The following KCNN2 variants were observed in gnomAD, a reference collection of about 807,000 sequenced individuals.
The protein encoded by KCNN2 is potassium calcium-activated channel subfamily N member 2, also known as small conductance calcium-activated potassium channel protein 2.
KCNN2 carries 24 observed loss-of-function variants against 55.5 expected under a neutral mutation model. The ratio of observed to expected loss-of-function variants is 0.43; its 90% CI spans 0.31 to 0.61. The LOEUF (loss-of-function observed/expected upper bound fraction) is 0.61. Ranked by LOEUF, KCNN2 falls within the 20% of genes least tolerant of loss-of-function variation. The probability of loss-of-function intolerance (pLI) is 0.08; values close to 1 mark genes in which losing one functional copy is unlikely to be tolerated. For synonymous variants in KCNN2, 431 were observed against 336.1 expected, an observed-to-expected ratio of 1.28 and a Z score of -3.09; for missense variants, 754 against 853.6, an observed-to-expected ratio of 0.88 and a Z score of 1.45.
chr5:114,110,563 G>A (rs1035181196), intron 1 of KCNN2, among the ~76,000 whole-genome samples: 1 of 152,022 alleles, frequency 6.6e-6, no homozygotes, highest in Non-Finnish European at 1.5e-5. Context: ...CTTGGATGCT[G>A]GCAATAAAAG....
At chr5:114,134,458 G>GATTGATTGATTGATTGATTGATTT in intron 1 of KCNN2, among the ~76,000 whole-genome samples, 1 of 137,404 alleles carries the variant, frequency 7.3e-6, no homozygotes, top group African/African-American at 2.8e-5. Context: ...ATCCAACCAT[G>GATTGATTGATTGATTGATTGATTT]ATTTATTTAT....
At chr5:114,278,927 G>T (rs1179374397) in intron 2 of KCNN2, among the ~76,000 whole-genome samples, 2 of 152,150 alleles carry the variant, frequency 1.3e-5, no homozygotes, top group Non-Finnish European at 2.9e-5. Context: ...AGTTGGAAAT[G>T]CAGAAATCAC....
chr5:114,288,203 A>T (rs1249738910), intron 2 of KCNN2, among the ~76,000 whole-genome samples: 1 of 152,210 alleles, frequency 6.6e-6, no homozygotes, highest in East Asian at 1.9e-4. Context: ...GGAGTGAATA[A>T]CATTTCCTTC....
chr5:114,259,389 C>T (rs1183451095), intron 2 of KCNN2, among the ~76,000 whole-genome samples: 5 of 152,160 alleles, frequency 3.3e-5, no homozygotes, highest in African/African-American at 1.2e-4. Context: ...GACAAAAGGG[C>T]TGAGCAGGAC....
chr5:114,266,443 G>A (rs889942201), intron 2 of KCNN2, among the ~76,000 whole-genome samples: 13 of 152,198 alleles, frequency 8.5e-5, no homozygotes, highest in African/African-American at 3.1e-4. Context: ...ATTAGACTTT[G>A]TCAGGACAAG....
At chr5:114,184,679 C>A (rs1489486169) in intron 1 of KCNN2, among the ~76,000 whole-genome samples, 2 of 152,034 alleles carry the variant, frequency 1.3e-5, no homozygotes, top group Non-Finnish European at 2.9e-5. Context: ...TATAGTGATT[C>A]TTTTTTATTT....
chr5:114,155,823 T>C (rs1752621496), intron 1 of KCNN2, among the ~76,000 whole-genome samples: 1 of 152,208 alleles, frequency 6.6e-6, no homozygotes, highest in Admixed American at 6.5e-5. Context: ...TCTCGCATCC[T>C]GTAGGTTGTC....
At chr5:114,115,296 G>A (rs1339046115) in intron 1 of KCNN2, among the ~76,000 whole-genome samples, 1 of 152,044 alleles carries the variant, frequency 6.6e-6, no homozygotes, top group Non-Finnish European at 1.5e-5. Context: ...TGCTTTTTAA[G>A]CATTGTATTG....
At chr5:114,494,665 C>G (rs77374880) in intron 7 of KCNN2, among the ~76,000 whole-genome samples, 37 of 152,136 alleles carry the variant, frequency 2.4e-4, no homozygotes, top group Admixed American at 3.9e-4. Flanking sequence ...AAGAGTACCA[C>G]TGTGAGGCAA....
At chr5:114,403,506 C>T (rs1377978588) in intron 2 of KCNN2, among the ~76,000 whole-genome samples, 3 of 152,166 alleles carry the variant, frequency 2.0e-5, no homozygotes, top group East Asian at 3.9e-4. Flanking sequence ...TGGCTGGCAT[C>T]CCTGGCTTCT....
chr5:114,275,831 A>G (rs1398441406), intron 2 of KCNN2, among the ~76,000 whole-genome samples: 1 of 151,590 alleles, frequency 6.6e-6, no homozygotes, highest in Non-Finnish European at 1.5e-5. Context: ...TATCTCTTTC[A>G]GTTCTGCTCT....
intron 1 of KCNN2, among the ~76,000 whole-genome samples, chr5:114,211,908 A>T (rs1753894643): frequency 6.6e-6 from 1 of 151,566 alleles, no homozygotes; most frequent in South Asian, 2.1e-4. Context: ...CCTATATTTT[A>T]ATTCAATTAA....
chr5:114,094,612 A>C lies in KCNN2; in HGVS notation c.-271+38112A>C, dbSNP rs564365199. On this transcript the variant is annotated intron_variant, in intron 1 of 10. Coordinates refer to the KCNN2 transcript ENST00000512097. ...AAGGAACAAGTAAAGTGATTTTTCA[A>C]AGGTTAAATACAGTAACACCTCCTG... is the stretch of plus-strand genomic sequence containing the variant. Among the ~76,000 whole-genome samples the C allele has an allele frequency of 1.3e-4, 20 of 152,342 alleles. No homozygotes were observed. The South Asian group carries it at 3.5e-3, about 27-fold the overall frequency.
At chr5:114,249,769 G>A (rs1037439432) in intron 2 of KCNN2, among the ~76,000 whole-genome samples, 2 of 150,162 alleles carry the variant, frequency 1.3e-5, no homozygotes, top group Admixed American at 1.3e-4. Flanking sequence ...AAAAGAATGG[G>A]CAGCATTTTA....
At chr5:114,399,432 G>A (rs370031600) in intron 2 of KCNN2, among the ~76,000 whole-genome samples, 75 of 152,242 alleles carry the variant, frequency 4.9e-4, no homozygotes, top group South Asian at 1.0e-3. Context: ...CCAACCTTGC[G>A]TCCCAGAGAT....
intron 4 of KCNN2, among the ~76,000 whole-genome samples, chr5:114,468,680 T>G (rs982446835): frequency 1.3e-5 from 2 of 152,214 alleles, no homozygotes; most frequent in Non-Finnish European, 2.9e-5. Flanking sequence ...AGCCATTCTC[T>G]GTAGCAGTAA....
chr5:114,177,325 G>GA (rs570890282), intron 1 of KCNN2, among the ~76,000 whole-genome samples: 207 of 152,094 alleles, frequency 1.4e-3, no homozygotes, highest in Non-Finnish European at 2.4e-3. Context: ...TTTTAGTAGA[G>GA]ACGGGGTTTC....
chr5:114,379,914 CATAAT>C (rs1343374928), intron 2 of KCNN2, among the ~76,000 whole-genome samples: 2 of 146,798 alleles, frequency 1.4e-5, no homozygotes, highest in African/African-American at 5.0e-5. Flanking sequence ...TAATGAATAA[CATAAT>C]ATATACCATC....
intron 2 of KCNN2, among the ~76,000 whole-genome samples, chr5:114,243,031 G>A (rs749042667): frequency 6.6e-6 from 1 of 151,886 alleles, no homozygotes; most frequent in Non-Finnish European, 1.5e-5. Flanking sequence ...CTGCCATTGT[G>A]GAACTTATAT....
Sources: gnomAD v4.1 joint callset for allele counts (sites outside exome capture counted in the v4.1 genomes callset) on GRCh38, gnomAD v4.1.1 for gene constraint, MANE v1.5 for transcripts, NCBI Gene and HGNC (gene_info 2026-07-23, HGNC 2026-07-21) for gene names.